ATXN2L: variants seen among roughly 807,000 people sequenced by gnomAD.
ATXN2L encodes ataxin 2 like, also known as ataxin-2-like protein.
A neutral mutation model predicts 120.7 loss-of-function variants in ATXN2L; 24 were observed. The observed-to-expected ratio is 0.20, with a 90% CI of 0.14 to 0.28. The LOEUF (loss-of-function observed/expected upper bound fraction) is 0.28, where lower values mean the gene tolerates loss of function less well. Ranked by LOEUF, ATXN2L falls within the 10% of genes least tolerant of loss-of-function variation. The pLI, the probability that ATXN2L is intolerant of heterozygous loss-of-function variation, is 1.00. For missense variants in ATXN2L, 1,312 were observed against 1,432.3 expected (o/e 0.92, Z 1.36); for synonymous variants, 653 against 568.1 (o/e 1.15, Z -2.13).
chr16:28,830,172 C>T (rs771349610), intron 8 of ATXN2L, 114 bp downstream of exon 8: 11 of 1,109,874 alleles, frequency 9.9e-6, no homozygotes, highest in Non-Finnish European at 1.2e-5. Flanking sequence ...AAATGTCATA[C>T]ACAGGTTTAG....
chr16:28,831,658 A>G lies in ATXN2L; in HGVS notation c.1322-547A>G, dbSNP rs368172830. On this transcript the variant is annotated intron_variant, in intron 10 of 21. Transcript: ENST00000336783. ...CTAACTTTTTAAAACAGGCCGAGGT[A>G]GGCAGATTGCTTGAGCCCAGGAGTT... 1.9e-4 allele frequency among the ~76,000 whole-genome samples: 29 copies of G among 152,306 alleles called. 5 individuals are homozygous for G. Among genetic ancestry groups the G allele is most frequent in the Admixed American group, 1.2e-3 (18 of 15,296 alleles).
Position 28,823,252 on chromosome 16 carries a change from C to T in ATXN2L, c.-8C>T. On this transcript the variant is annotated 5_prime_UTR_variant, in exon 1 of 22. Transcript: ENST00000336783. ...TTCTCTCTAATTCCCCTTCCGGACGCTGCCATCATGTTGAAGCCTCAGCCG... is the reference window on the plus strand; with the variant it reads ...TTCTCTCTAATTCCCCTTCCGGACGTTGCCATCATGTTGAAGCCTCAGCCG... The T allele has an allele frequency of 6.9e-7, 1 of 1,455,698 alleles. No homozygotes were observed. Among genetic ancestry groups the T allele is most frequent in the Non-Finnish European group, 9.1e-7 (1 of 1,102,536 alleles). 90.2% of individuals were successfully genotyped at this position (1,455,698 alleles called of 1,614,324 possible). A position where few individuals can be genotyped will look rare whatever the true frequency, so the allele number is the denominator to read the frequency against.
Position 28,832,552 on chromosome 16 carries a change from C to T in ATXN2L, c.1573C>T (p.Arg525Trp), listed in dbSNP as rs554817856. The stretch of plus-strand genomic sequence containing the variant: ...AACTCTGGAGCCCCAGGAGCTGGCT[C>T]GGATAGCTGGGAAAGGTGAGGGTGG... ...GRTLEPQELARIAGKVPGLQN... is the reference protein window; with the variant it reads ...GRTLEPQELAWIAGKVPGLQN... The change falls in exon 12 of 22, where the codon CGG becomes TGG. Residue 525 changes from arginine (R) to tryptophan (W), a missense_variant. Transcript: ENST00000336783. 5.0e-6 allele frequency: 8 copies of T among 1,614,112 alleles called. No homozygotes were observed. Among genetic ancestry groups the T allele is most frequent in the Admixed American group, 3.3e-5 (2 of 60,004 alleles).
chr16:28,825,507 G>A (rs2051557891), intron 2 of ATXN2L, 105 bp downstream of exon 2: 3 of 1,524,272 alleles, frequency 2.0e-6, no homozygotes, highest in Non-Finnish European at 2.7e-6. Flanking sequence ...GTACTCAGGA[G>A]GGCTGTGGGC....
At chr16:28,828,450 G>A (rs1596893801) in intron 6 of ATXN2L, among the ~76,000 whole-genome samples, 1 of 152,062 alleles carries the variant, frequency 6.6e-6, no homozygotes. Flanking sequence ...GCTGGGCGTG[G>A]TGGCACATGC....
In ATXN2L at chr16:28,835,300, A is replaced by G. The variant is rs1457538378; in HGVS notation, c.2586A>G (p.Pro862=). The change falls in exon 20 of 22, where the codon CCA becomes CCG. Residue 862 remains proline, a synonymous_variant. Coordinates refer to ENST00000336783, the MANE Select transcript of ATXN2L (RefSeq NM_007245.4). ...ALYATVHQSY[P]HHATQLHAHQ... is the part of the protein sequence containing the mutation. ...CAGCCACTGTTCACCAGTCCTACCC[A>G]CACCATGCCACACAGCTCCATGCCC... is the stretch of plus-strand genomic sequence containing the variant. The G allele has an allele frequency of 1.2e-6, 2 of 1,613,400 alleles. No homozygotes were observed. The highest frequency in any genetic ancestry group is 1.7e-6 in the Non-Finnish European group (2 of 1,179,872).
Position 28,824,118 on chromosome 16 carries a change from C to T in ATXN2L, c.299+560C>T, listed in dbSNP as rs115841744. The stretch of plus-strand genomic sequence containing the variant: ...AGGGATGACTGGGAGGACTGCGGGC[C>T]GGGAGCCTCTGGCGCGCGCGCCCCC... On this transcript the variant is annotated intron_variant, in intron 1 of 21. Coordinates refer to ENST00000336783, the MANE Select transcript of ATXN2L (RefSeq NM_007245.4). The T allele has an allele frequency of 2.8e-3, 2,818 of 1,019,232 alleles. 58 individuals are homozygous for T. The African/African-American group carries it at 0.045, about 16-fold the overall frequency. 63.1% of individuals were successfully genotyped at this position (1,019,232 alleles called of 1,614,324 possible).
Position 28,836,164 on chromosome 16 carries a change from G to A in ATXN2L, c.3127G>A (p.Asp1043Asn), listed in dbSNP as rs746560568. 11 of 1,614,030 alleles carry A rather than the reference G, an allele frequency of 6.8e-6. No homozygotes were observed. The East Asian group carries it at 1.6e-4, about 23-fold the overall frequency. The stretch of plus-strand genomic sequence containing the variant: ...GGCGCCTGGATTTCCAGGAGGAGCC[G>A]ATGACAGGATTCGTGAGTTCTCATT... ...GQAPGFPGGA[D>N]DRIREFSLAG... Residue 1043 changes from aspartate to asparagine, a missense_variant, in exon 22 of 22, where the codon GAT (aspartate) becomes AAT (asparagine). Transcript: ENST00000336783.
rs754135991 is a variant in ATXN2L, at chr16:28,834,357, T to C, written c.2187T>C (p.Tyr729=). ...MGPAVQAPQM[Y]PYPVSNSVPG... is the part of the protein sequence containing the mutation. ...CTCATCCCCAGGCACCTCAGATGTA[T>C]CCATATCCTGTATCCAATTCAGTGC... The change falls in exon 17 of 22, where the codon TAT becomes TAC. Residue 729 remains tyrosine (Y), a synonymous_variant. Coordinates refer to ENST00000336783, the MANE Select transcript of ATXN2L (RefSeq NM_007245.4). 7.4e-6 allele frequency: 12 copies of C among 1,613,940 alleles called. No homozygotes were observed. The highest frequency in any genetic ancestry group is 1.0e-5 in the Non-Finnish European group (12 of 1,179,840).
Position 28,836,061 on chromosome 16 carries a change from T to C in ATXN2L, c.3024T>C (p.Ser1008=), listed in dbSNP as rs1251370525. ...CCCCCCAAGGCGCGGTGCCCCAGAG[T>C]GGGGTGCCTGCACTCTCAGCTTCCA... ...GGPPQGAVPQ[S]GVPALSASTP... is the part of the protein sequence containing the mutation. Residue 1008 remains serine, a synonymous_variant, in exon 22 of 22, where the codon AGT becomes AGC. Coordinates refer to ENST00000336783, the MANE Select transcript of ATXN2L (RefSeq NM_007245.4). 1.3e-6 allele frequency: 2 copies of C among 1,598,622 alleles called. No homozygotes were observed. Among genetic ancestry groups the C allele is most frequent in the South Asian group, 2.2e-5 (2 of 90,598 alleles).
At position 28,823,149 on chromosome 16, in the gene ATXN2L, C is replaced by T. The variant is rs2050215630; in HGVS notation, c.-111C>T. On this transcript the variant is annotated 5_prime_UTR_variant, in exon 1 of 22. Transcript: ENST00000336783. ...CGGGGCTCCCCCCGCCCGCCCACGGCGGGCCCCGGCTGCCCGATCCCCCTC... is the reference window on the plus strand; with the variant it reads ...CGGGGCTCCCCCCGCCCGCCCACGGTGGGCCCCGGCTGCCCGATCCCCCTC... 1 of 617,368 alleles carries T rather than the reference C, an allele frequency of 1.6e-6. No homozygotes were observed. The highest frequency in any genetic ancestry group is 2.3e-6 in the Non-Finnish European group (1 of 433,400). The allele number at this position is 617,368 out of a possible 1,614,324, so 38.2% of individuals were successfully genotyped here.
chr16:28,827,361 G>A (rs1262743455), intron 6 of ATXN2L, among the ~76,000 whole-genome samples: 1 of 151,782 alleles, frequency 6.6e-6, no homozygotes, highest in Non-Finnish European at 1.5e-5. Context: ...TTGAGCCCAG[G>A]GAGGTCGAGG....
At chr16:28,824,686 C>T in intron 1 of ATXN2L, 1 of 865,010 alleles carries the variant, frequency 1.2e-6, no homozygotes, top group Middle Eastern at 3.2e-4. Context: ...CTAGGTAGTT[C>T]CAAAGCTGCA....
In ATXN2L at chr16:28,836,236, C is replaced by T; in HGVS notation, c.3199C>T (p.Gln1067Ter). The T allele has an allele frequency of 6.2e-7, 1 of 1,613,420 alleles. No homozygotes were observed. The highest frequency in any genetic ancestry group is 8.5e-7 in the Non-Finnish European group (1 of 1,179,630). ...HGRAEGLQVG[Q>*]DARVLGGE ...AAGAGCTGAGGGGCTGCAGGTGGGG[C>T]AGGATGCACGGGTTCTGGGTGGGGA... Residue 1067 changes from glutamine to a stop codon, truncating the protein, a stop_gained, in exon 22 of 22, where the codon CAG becomes TAG. Transcript: ENST00000336783. LOFTEE classifies it high-confidence loss of function.
chr16:28,823,137 G>A lies in ATXN2L; in HGVS notation c.-123G>A. ...CCCCCGACACCGCGGGGCTCCCCCC[G>A]CCCGCCCACGGCGGGCCCCGGCTGC... On this transcript the variant is annotated 5_prime_UTR_variant, in exon 1 of 22. Transcript: ENST00000336783. 3 of 243,828 alleles carry A rather than the reference G, an allele frequency of 1.2e-5. No homozygotes were observed. Among genetic ancestry groups the A allele is most frequent in the East Asian group, 1.5e-4 (1 of 6,890 alleles). 15.1% of individuals were successfully genotyped at this position (243,828 alleles called of 1,614,324 possible).
intron 4 of ATXN2L, 27 bp from the exon 5 acceptor site, chr16:28,826,213 T>C (rs369802338): frequency 1.9e-6 from 3 of 1,611,360 alleles, no homozygotes; most frequent in African/African-American, 1.3e-5. Context: ...AACTGACCCA[T>C]GGGTGTGGGG....
At position 28,836,544 on chromosome 16, in the gene ATXN2L, T is replaced by C; in HGVS notation, c.*279T>C. 1.3e-5 allele frequency: 20 copies of C among 1,581,730 alleles called. No homozygotes were observed. The South Asian group carries it at 2.1e-4, about 16-fold the overall frequency. ...GGTGTGGGGGGCTGAGCTGGGCACATGAGTGAGGGCTCTGGCTTACTGGGA... is the reference window on the plus strand; with the variant it reads ...GGTGTGGGGGGCTGAGCTGGGCACACGAGTGAGGGCTCTGGCTTACTGGGA... On this transcript the variant is annotated 3_prime_UTR_variant, in exon 22 of 22. Coordinates refer to ENST00000336783, the MANE Select transcript of ATXN2L (RefSeq NM_007245.4).
At chr16:28,825,057 TAA>T (rs369989480) in intron 1 of ATXN2L, among the ~76,000 whole-genome samples, 1 of 137,634 alleles carries the variant, frequency 7.3e-6, no homozygotes, top group Non-Finnish European at 1.6e-5. Context: ...TACTAAAAAT[TAA>T]AAAAAAAAAA....
rs2055196611 is a variant in ATXN2L, at chr16:28,833,276, C to A, written c.1877C>A (p.Pro626Gln). The A allele has an allele frequency of 1.2e-6, 2 of 1,614,200 alleles. No individual in the cohort carries two copies. Among genetic ancestry groups the A allele is most frequent in the Non-Finnish European group, 1.7e-6 (2 of 1,180,038 alleles). ...GGTEGPEQPP[P>Q]PCPSQTGSPP... ...ACTGAGGGGCCAGAGCAGCCCCCAC[C>A]ACCTTGTCCAAGCCAAACTGGCAGC... The change falls in exon 14 of 22, where the codon CCA becomes CAA. Residue 626 changes from proline to glutamine, a missense_variant. By Grantham distance (76) the Pro-to-Gln change is moderately conservative. Transcript: ENST00000336783.
Sources: allele counts gnomAD v4.1 joint callset (sites outside exome capture counted in the v4.1 genomes callset), GRCh38; gene constraint gnomAD v4.1.1; transcripts MANE v1.5; gene names NCBI Gene and HGNC (gene_info 2026-07-23, HGNC 2026-07-21).